CALN1: variants seen among roughly 807,000 people sequenced by gnomAD.
CALN1 encodes the protein calneuron 1.
A neutral mutation model predicts 30.6 loss-of-function variants in CALN1; 17 were observed. That is an observed-to-expected ratio of 0.56 (90% CI 0.38 to 0.83). The LOEUF (loss-of-function observed/expected upper bound fraction) is 0.83. Among genes scored for constraint, CALN1 ranks in the 40% least tolerant of loss-of-function variants. CALN1 has a pLI of 0.00. For missense variants in CALN1, 291 were observed against 354.9 expected (o/e 0.82, Z 1.45); for synonymous variants, 156 against 131.4 (o/e 1.19, Z -1.28).
chr7:72,271,575 A>AAAAATATATATATATGTATATATATATAT, intron 3 of CALN1, among the ~76,000 whole-genome samples: 1 of 52,132 alleles, frequency 1.9e-5, no homozygotes, highest in Non-Finnish European at 3.1e-5. Context: ...AAAAAAAAAA[A>AAAAATATATATATATGTATATATATATAT]ATATATATAT....
intron 5 of CALN1, among the ~76,000 whole-genome samples, chr7:72,002,437 T>C (rs1024178251): frequency 7.2e-5 from 11 of 152,154 alleles, no homozygotes; most frequent in Non-Finnish European, 1.5e-4. Flanking sequence ...GATATATGGG[T>C]AATTGAAGTA....
chr7:71,860,903 A>G (rs1791232402), intron 5 of CALN1, among the ~76,000 whole-genome samples: 1 of 152,168 alleles, frequency 6.6e-6, no homozygotes, highest in African/African-American at 2.4e-5. Context: ...GGACATTTAT[A>G]GGCAGAGGAT....
intron 1 of CALN1, among the ~76,000 whole-genome samples, chr7:72,428,457 T>A (rs960337328): frequency 6.6e-6 from 1 of 151,784 alleles, no homozygotes; most frequent in Non-Finnish European, 1.5e-5. Context: ...AGTGGCCTGA[T>A]CTCAGCTCAC....
chr7:72,313,993 G>GC (rs1800241698), intron 2 of CALN1, among the ~76,000 whole-genome samples: 1 of 152,144 alleles, frequency 6.6e-6, no homozygotes, highest in Non-Finnish European at 1.5e-5. Flanking sequence ...GACAGACAGA[G>GC]CCCCGTCCCT....
At position 72,182,092 on chromosome 7, in the gene CALN1, A is replaced by G. The variant is rs559548067; in HGVS notation, c.245-75798T>C. ...TTAGAGAAGACTAGGGATAATTGCA[A>G]ATGACAGGCTTCTTAAAGAAATAAA... is the stretch of plus-strand genomic sequence containing the variant. On this transcript the variant is annotated intron_variant, in intron 3 of 6. Coordinates refer to ENST00000395275, the MANE Select transcript of CALN1 (RefSeq NM_031468.4). Among the ~76,000 whole-genome samples, 414 of 152,296 alleles carry G rather than the reference A, an allele frequency of 2.7e-3. 1 individual carries two copies. Among genetic ancestry groups the G allele is most frequent in the African/African-American group, 9.5e-3 (393 of 41,562 alleles).
At chr7:72,123,546 A>G (rs1298883204) in intron 3 of CALN1, among the ~76,000 whole-genome samples, 1 of 152,180 alleles carries the variant, frequency 6.6e-6, no homozygotes, top group Admixed American at 6.5e-5. Flanking sequence ...CTATCTGTAA[A>G]AAGTTAGCCA....
rs1017637616 is a variant in CALN1, at chr7:71,942,304, G to A, written c.501+81353C>T. On this transcript the variant is annotated intron_variant, in intron 5 of 6. Coordinates refer to ENST00000395275, the MANE Select transcript of CALN1 (RefSeq NM_031468.4). ...GCCTATCAAGCTGGCCAGGGTCACC[G>A]AGGTCCTGGGCAGGACCGGCTCTCA... 9.9e-5 allele frequency: 19 copies of A among 191,108 alleles called. 1 individual carries two copies. Among genetic ancestry groups the A allele is most frequent in the South Asian group, 9.3e-5 (1 of 10,700 alleles). 11.8% of individuals were successfully genotyped at this position (191,108 alleles called of 1,614,324 possible). A position where few individuals can be genotyped will look rare whatever the true frequency, so the allele number is the denominator to read the frequency against.
At position 71,784,893 on chromosome 7, in the gene CALN1, C is replaced by T. The variant is rs1792904633; in HGVS notation, c.*2882G>A. The T allele has an allele frequency of 3.3e-5, 13 of 398,742 alleles. No homozygotes were observed. The East Asian group carries it at 4.6e-4, about 14-fold the overall frequency. The allele number at this position is 398,742 out of a possible 1,614,324, so 24.7% of individuals were successfully genotyped here. The stretch of plus-strand genomic sequence containing the variant: ...CTTCATAGCCACCATGATGGGGACA[C>T]TGACTGGCATGGGGCCCTAGCATAA... On this transcript the variant is annotated 3_prime_UTR_variant, in exon 7 of 7. Coordinates refer to ENST00000395275, the MANE Select transcript of CALN1 (RefSeq NM_031468.4).
chr7:71,907,314 G>C (rs1401045823), intron 5 of CALN1, among the ~76,000 whole-genome samples: 1 of 151,816 alleles, frequency 6.6e-6, no homozygotes, highest in South Asian at 2.1e-4. Flanking sequence ...TCTCCAGAAT[G>C]CTGCACTGCT....
chr7:72,234,444 GTTTTGTTT>G (rs761381009), intron 3 of CALN1, among the ~76,000 whole-genome samples: 24 of 151,782 alleles, frequency 1.6e-4, no homozygotes, highest in African/African-American at 4.1e-4. Flanking sequence ...TTTTTGTTTT[GTTTTGTTT>G]TTTTGTTTTT....
rs889031745 is a variant in CALN1, at chr7:71,783,652, G to C, written c.*4123C>G. On this transcript the variant is annotated 3_prime_UTR_variant, in exon 7 of 7. Coordinates refer to ENST00000395275, the MANE Select transcript of CALN1 (RefSeq NM_031468.4). ...GGCCTCAGGGAAACTGCTAGATTTAGGTGAAGAGCAACGTGCAAAACTGTC... is the reference window on the plus strand; with the variant it reads ...GGCCTCAGGGAAACTGCTAGATTTACGTGAAGAGCAACGTGCAAAACTGTC... 6.5e-6 allele frequency: 1 copy of C among 152,674 alleles called. No individual in the cohort carries two copies. The highest frequency in any genetic ancestry group is 2.4e-5 in the African/African-American group (1 of 41,460). 9.5% of individuals were successfully genotyped at this position (152,674 alleles called of 1,614,324 possible). A position where few individuals can be genotyped will look rare whatever the true frequency, so the allele number is the denominator to read the frequency against.
At chr7:72,162,750 A>AAG (rs1485177716) in intron 3 of CALN1, among the ~76,000 whole-genome samples, 2 of 152,210 alleles carry the variant, frequency 1.3e-5, no homozygotes, top group African/African-American at 4.8e-5. Context: ...AAACAAAAAA[A>AAG]CAAAAACAAA....
chr7:72,352,749 A>C (rs947004235), intron 2 of CALN1, among the ~76,000 whole-genome samples: 1 of 152,112 alleles, frequency 6.6e-6, no homozygotes, highest in Non-Finnish European at 1.5e-5. Flanking sequence ...AAAGAGAAGA[A>C]CAAATTAAGT....
intron 2 of CALN1, among the ~76,000 whole-genome samples, chr7:72,381,211 G>T (rs1252723898): frequency 6.6e-6 from 1 of 152,142 alleles, no homozygotes; most frequent in African/African-American, 2.4e-5. Flanking sequence ...AGAATTATAG[G>T]TGTTCCTTGC....
intron 5 of CALN1, among the ~76,000 whole-genome samples, chr7:72,017,856 T>C (rs1201275203): frequency 6.6e-6 from 1 of 152,130 alleles, no homozygotes; most frequent in Non-Finnish European, 1.5e-5. Flanking sequence ...GGCCGAGGTG[T>C]TCTTGAACCT....
intron 4 of CALN1, among the ~76,000 whole-genome samples, chr7:72,104,908 G>A (rs1345108329): frequency 6.6e-6 from 1 of 152,046 alleles, no homozygotes; most frequent in African/African-American, 2.4e-5. Context: ...AGTGAGTTGA[G>A]ATCGCATCAC....
chr7:71,848,624 C>T (rs980262088), intron 5 of CALN1, among the ~76,000 whole-genome samples: 3 of 152,032 alleles, frequency 2.0e-5, no homozygotes, highest in African/African-American at 7.3e-5. Context: ...AACACACACA[C>T]ACATACACAC....
chr7:72,402,962 A>G (rs951783721), intron 2 of CALN1, among the ~76,000 whole-genome samples: 12 of 152,088 alleles, frequency 7.9e-5, no homozygotes, highest in Admixed American at 7.9e-4. Context: ...CATAGTCCAC[A>G]CTCTGTAAGT....
At chr7:72,094,874 G>A (rs11982267) in intron 4 of CALN1, among the ~76,000 whole-genome samples, 3 of 151,988 alleles carry the variant, frequency 2.0e-5, no homozygotes, top group Non-Finnish European at 2.9e-5. Context: ...AGTGGCTAGG[G>A]TCTTTCGCCC....
Sources: gnomAD v4.1 joint callset for allele counts (sites outside exome capture counted in the v4.1 genomes callset) on GRCh38, gnomAD v4.1.1 for gene constraint, MANE v1.5 for transcripts, NCBI Gene and HGNC (gene_info 2026-07-23, HGNC 2026-07-21) for gene names.